Variants in TGFBI observed in about 807,000 individuals in gnomAD.
TGFBI encodes the protein transforming growth factor-beta-induced protein ig-h3.
Under a neutral mutation model 73.7 loss-of-function variants are expected in TGFBI, and 50 were observed. The ratio of observed to expected loss-of-function variants is 0.68; its 90% CI spans 0.54 to 0.86. The LOEUF (loss-of-function observed/expected upper bound fraction) is 0.86. Among genes scored for constraint, TGFBI ranks in the 40% least tolerant of loss-of-function variants. The pLI is 0.00. For missense variants in TGFBI, 839 were observed against 877.0 expected, an observed-to-expected ratio of 0.96 and a Z score of 0.55; for synonymous variants, 362 against 360.5, an observed-to-expected ratio of 1.00 and a Z score of -0.05.
chr5:136,063,018 G>A (rs1439718807), intron 16 of TGFBI, among the ~76,000 whole-genome samples, 168 bp from the exon 17 acceptor site: 1 of 152,102 alleles, frequency 6.6e-6, no homozygotes, highest in Non-Finnish European at 1.5e-5. Flanking sequence ...CCAGAACATC[G>A]GGCCTTGAGT....
At chr5:136,060,988 C>CA in intron 14 of TGFBI, 52 bp downstream of exon 14, 1 of 1,337,984 alleles carries the variant, frequency 7.5e-7, no homozygotes. Flanking sequence ...CTTCATGTGG[C>CA]AGTTGGTGGA....
chr5:136,061,075 T>C, intron 14 of TGFBI, 139 bp downstream of exon 14: 1 of 664,264 alleles, frequency 1.5e-6, no homozygotes, highest in East Asian at 2.8e-5. Context: ...TGTGACTGAT[T>C]GCAGAGTGAA....
chr5:136,055,605 A>G, intron 10 of TGFBI, 75 bp from the exon 11 acceptor site: 1 of 1,385,084 alleles, frequency 7.2e-7, no homozygotes, highest in Non-Finnish European at 9.6e-7. Flanking sequence ...ACCCTGCTAC[A>G]TGCTCTGAAC....
intron 1 of TGFBI, among the ~76,000 whole-genome samples, chr5:136,031,230 A>G (rs2126901127): frequency 6.6e-6 from 1 of 152,360 alleles, no homozygotes; most frequent in African/African-American, 2.4e-5. Flanking sequence ...ACTCTGATCT[A>G]ACTGTCCCTG....
At chr5:136,050,015 T>C (rs776799292) in intron 7 of TGFBI, among the ~76,000 whole-genome samples, 2 of 152,184 alleles carry the variant, frequency 1.3e-5, no homozygotes, top group Non-Finnish European at 2.9e-5. Flanking sequence ...AGGGGATTTA[T>C]GGATAAACCA....
intron 8 of TGFBI, among the ~76,000 whole-genome samples, chr5:136,053,700 C>T (rs1751577338): frequency 6.6e-6 from 1 of 152,236 alleles, no homozygotes. Flanking sequence ...CCCACAGGGC[C>T]TGGGACAGAG....
rs574159504 is a variant in TGFBI at position 136,054,805 on chromosome 5, G to A, written c.1354G>A (p.Gly452Arg). 5 of 1,613,898 alleles carry A rather than the reference G, an allele frequency of 3.1e-6. No homozygotes were observed. Among genetic ancestry groups the A allele is most frequent in the Non-Finnish European group, 4.2e-6 (5 of 1,179,886 alleles). Residue 452 changes from glycine to arginine, a missense_variant, in exon 10 of 17, where the codon GGA becomes AGA. Transcript: ENST00000442011. The stretch of plus-strand genomic sequence containing the variant: ...GCTGGCCTCTAAGTATCTGTACCAT[G>A]GACAGACCCTGGAAACTCTGGGCGG... ...DQLASKYLYHGQTLETLGGKK... is the reference protein window; with the variant it reads ...DQLASKYLYHRQTLETLGGKK...
In TGFBI at chr5:136,061,543, G is replaced by C. The variant is rs570146042; in HGVS notation, c.1950G>C (p.Ala650=). The C allele has an allele frequency of 4.3e-6, 7 of 1,612,528 alleles. No individual in the cohort carries two copies. Among genetic ancestry groups the C allele is most frequent in the Middle Eastern group, 1.7e-4 (1 of 6,058 alleles). Residue 650 remains alanine (A), a synonymous_variant, in exon 15 of 17, where the codon GCG becomes GCC. Coordinates refer to ENST00000442011, the MANE Select transcript of TGFBI (RefSeq NM_000358.3). The part of the protein sequence containing the change: ...QERGDELADS[A]LEIFKQASAF... ...GAGGGGATGAACTTGCAGACTCTGC[G>C]CTTGAGATCTTCAAACAAGCATCAG...
chr5:136,059,288 A>G (rs1751706305), intron 13 of TGFBI, 74 bp downstream of exon 13: 1 of 1,565,744 alleles, frequency 6.4e-7, no homozygotes, highest in Non-Finnish European at 8.7e-7. Context: ...CACCCCCAGG[A>G]TGGAATTATA....
At chr5:136,042,627 A>C (rs1751359320) in intron 2 of TGFBI, among the ~76,000 whole-genome samples, 1 of 152,070 alleles carries the variant, frequency 6.6e-6, no homozygotes, top group African/African-American at 2.4e-5. Context: ...TGGAAGGAGG[A>C]CTGGAGAAAA....
intron 2 of TGFBI, among the ~76,000 whole-genome samples, chr5:136,037,010 C>G (rs1372448489): frequency 4.6e-5 from 7 of 152,098 alleles, no homozygotes; most frequent in Admixed American, 4.6e-4. Flanking sequence ...ATACAGGAGC[C>G]GACCTGGTGA....
intron 2 of TGFBI, among the ~76,000 whole-genome samples, chr5:136,041,799 G>A (rs1751343865): frequency 6.6e-6 from 1 of 152,160 alleles, no homozygotes; most frequent in South Asian, 2.1e-4. Flanking sequence ...GAACCAATGA[G>A]TTAATATTTG....
chr5:136,050,107 C>A (rs765512978), intron 7 of TGFBI, among the ~76,000 whole-genome samples: 1 of 152,114 alleles, frequency 6.6e-6, no homozygotes, highest in African/African-American at 2.4e-5. Flanking sequence ...ACAAGGTGGG[C>A]GGATCACCTG....
At chr5:136,029,317 A>C (rs4976361) in intron 1 of TGFBI, 128 bp downstream of exon 1, 1 of 1,126,822 alleles carries the variant, frequency 8.9e-7, no homozygotes, top group Admixed American at 3.6e-5. Flanking sequence ...ACCTTGCAGC[A>C]TGGAGCGCTC....
chr5:136,035,465 A>T (rs1751201366), intron 2 of TGFBI, among the ~76,000 whole-genome samples: 1 of 152,042 alleles, frequency 6.6e-6, no homozygotes, highest in Non-Finnish European at 1.5e-5. Context: ...CTACTAAAAA[A>T]ATACAAAAAT....
At chr5:136,053,150 G>A in intron 8 of TGFBI, 31 bp downstream of exon 8, 2 of 1,595,014 alleles carry the variant, frequency 1.3e-6, no homozygotes, top group Non-Finnish European at 1.7e-6. Flanking sequence ...CCTTGGCCCT[G>A]CCTGGCCCAC....
In TGFBI at chr5:136,054,854, A is replaced by G. The variant is rs757805572; in HGVS notation, c.1403A>G (p.Tyr468Cys). ...GGCAAAAAACTGAGAGTTTTTGTTT[A>G]TCGTAATGTAAGTTCTGGGTCCTAA... ...LGGKKLRVFV[Y>C]RNSLCIENSC... Residue 468 changes from tyrosine (Y) to cysteine (C), a missense_variant, in exon 10 of 17, where the codon TAT becomes TGT. By Grantham distance (194) the Tyr-to-Cys change is radical (BLOSUM62 -2). Transcript: ENST00000442011. 1 of 1,613,700 alleles carries G rather than the reference A, an allele frequency of 6.2e-7. No homozygotes were observed. Among genetic ancestry groups the G allele is most frequent in the Non-Finnish European group, 8.5e-7 (1 of 1,179,736 alleles).
At chr5:136,054,908 G>T in intron 10 of TGFBI, 47 bp downstream of exon 10, 1 of 1,597,198 alleles carries the variant, frequency 6.3e-7, no homozygotes, top group Non-Finnish European at 8.5e-7. Context: ...TCCTTACTGT[G>T]GGACTTGTAT....
chr5:136,059,225 T>G lies in TGFBI; in HGVS notation c.1803+11T>G, dbSNP rs1375458971. On this transcript the variant is annotated intron_variant, in intron 13 of 16. Transcript: ENST00000442011. ...CTGGAAGTCAGCTTGGTAAGTGTCC[T>G]GCAAATCAAAGGCTGGCTAAATTTC... 9 of 1,607,962 alleles carry G rather than the reference T, an allele frequency of 5.6e-6. No individual in the cohort carries two copies. The highest frequency in any genetic ancestry group is 7.6e-6 in the Non-Finnish European group (9 of 1,178,154).
Sources: gnomAD v4.1 joint callset for allele counts (sites outside exome capture counted in the v4.1 genomes callset) on GRCh38, gnomAD v4.1.1 for gene constraint, MANE v1.5 for transcripts, NCBI Gene and HGNC (gene_info 2026-07-23, HGNC 2026-07-21) for gene names.